IFT122: variants seen among roughly 807,000 people sequenced by gnomAD.
IFT122 encodes the protein intraflagellar transport 122, also known as intraflagellar transport protein 122 homolog.
Under a neutral mutation model 161.6 loss-of-function variants are expected in IFT122, and 118 were observed. The observed-to-expected ratio is 0.73, with a 90% CI of 0.63 to 0.85. The LOEUF is 0.85. IFT122 is among the 40% of genes least tolerant of loss of function. The pLI is 0.00. For synonymous variants in IFT122, 550 were observed against 602.4 expected (o/e 0.91, Z 1.27); for missense variants, 1,381 against 1,579.6 (o/e 0.87, Z 2.13).
intron 17 of IFT122, 80 bp from the exon 18 acceptor site, chr3:129,495,366 A>G: frequency 6.4e-7 from 1 of 1,570,756 alleles, no homozygotes; most frequent in South Asian, 1.2e-5. Context: ...CTCACTTGAA[A>G]TAGCCACATC....
chr3:129,448,357 C>A (rs1270655178), intron 1 of IFT122, among the ~76,000 whole-genome samples: 1 of 152,126 alleles, frequency 6.6e-6, no homozygotes, highest in African/African-American at 2.4e-5. Flanking sequence ...TATAGATAAG[C>A]TTGAGGAGGT....
intron 24 of IFT122, 31 bp downstream of exon 24, chr3:129,512,443 A>G (rs1164916358): frequency 6.9e-7 from 1 of 1,447,282 alleles, no homozygotes; most frequent in Admixed American, 1.7e-5. Flanking sequence ...CCTCCGTCCC[A>G]CCACCGTTCT....
chr3:129,492,763 T>TGGTGCTAA (rs2080286812), intron 17 of IFT122, among the ~76,000 whole-genome samples: 1 of 151,876 alleles, frequency 6.6e-6, no homozygotes, highest in African/African-American at 2.4e-5. Flanking sequence ...CTAAGGAAGC[T>TGGTGCTAA]GGTTGTAGGT....
intron 1 of IFT122, among the ~76,000 whole-genome samples, chr3:129,446,391 AT>A (rs1319338874): frequency 1.7e-5 from 2 of 114,976 alleles, no homozygotes; most frequent in African/African-American, 7.9e-5. Flanking sequence ...TGCTTGGCTA[AT>A]TTTTTGTAGA....
chr3:129,483,382 T>G, intron 14 of IFT122, 103 bp from the exon 15 acceptor site: 1 of 962,290 alleles, frequency 1.0e-6, no homozygotes, highest in Non-Finnish European at 1.7e-6. Context: ...CTGTAAGCAA[T>G]TTAGTGGGAT....
chr3:129,514,834 C>T, intron 25 of IFT122: 1 of 545,700 alleles, frequency 1.8e-6, no homozygotes, highest in South Asian at 2.0e-5. Flanking sequence ...GCAAGCCCCA[C>T]ACCTCTGTGC....
At chr3:129,515,004 C>G (rs953474552) in intron 25 of IFT122, 1 of 363,992 alleles carries the variant, frequency 2.7e-6, no homozygotes, top group African/African-American at 2.1e-5. Context: ...TTTCACACAT[C>G]CTCCCTCAAG....
intron 18 of IFT122, among the ~76,000 whole-genome samples, chr3:129,499,348 G>A (rs544237308): frequency 5.9e-5 from 9 of 152,342 alleles, no homozygotes; most frequent in Admixed American, 4.6e-4. Context: ...TGGAGGGCAC[G>A]GAGGGCCGGC....
intron 26 of IFT122, among the ~76,000 whole-genome samples, chr3:129,516,989 G>GCA (rs1202330874): frequency 1.9e-3 from 141 of 74,006 alleles, no homozygotes; most frequent in African/African-American, 6.4e-3. Flanking sequence ...GACTGCCCCT[G>GCA]CACACACACA....
At chr3:129,501,209 C>CA (rs1559976002) in intron 19 of IFT122, among the ~76,000 whole-genome samples, 2 of 152,142 alleles carry the variant, frequency 1.3e-5, no homozygotes, top group Non-Finnish European at 2.9e-5. Context: ...TGTGCACACA[C>CA]ACGTGCACAT....
At chr3:129,516,403 TAC>T (rs370107230) in intron 26 of IFT122, among the ~76,000 whole-genome samples, 221 of 16,970 alleles carry the variant, frequency 0.013, 1 homozygote, top group Non-Finnish European at 0.019. Context: ...TGCACACACA[TAC>T]AGAGACTGCC....
Position 129,483,572 on chromosome 3 carries a change from A to G in IFT122, c.1741A>G (p.Ser581Gly), listed in dbSNP as rs746693194. ...SGGGYLNIKA[S>G]TFPVHRQKLQ... ...AGGAGGCTACCTCAACATCAAAGCC[A>G]GCACCTTCCCTGTGCACCGGCAGAA... The change falls in exon 15 of 30, where the codon AGC (serine) becomes GGC (glycine). Residue 581 changes from serine (S) to glycine (G), a missense_variant. Physicochemically the swap from Ser to Gly is moderately conservative, Grantham distance 56 (BLOSUM62 0). Coordinates refer to ENST00000348417, the MANE Select transcript of IFT122 (RefSeq NM_052989.3). 10 of 1,614,140 alleles carry G rather than the reference A, an allele frequency of 6.2e-6. No homozygotes were observed. The highest frequency in any genetic ancestry group is 7.6e-6 in the Non-Finnish European group (9 of 1,180,030).
At chr3:129,507,532 A>G in intron 22 of IFT122, 136 bp from the exon 23 acceptor site, 1 of 769,446 alleles carries the variant, frequency 1.3e-6, no homozygotes, top group Non-Finnish European at 2.3e-6. Flanking sequence ...TTTGTCCCTC[A>G]CCCTGGCACA....
chr3:129,470,093 C>G (rs773100565), intron 9 of IFT122, among the ~76,000 whole-genome samples: 17 of 151,100 alleles, frequency 1.1e-4, no homozygotes, highest in Admixed American at 7.9e-4. Context: ...AATGGTGTTT[C>G]AGGCAGAAAA....
intron 15 of IFT122, among the ~76,000 whole-genome samples, chr3:129,486,355 T>C (rs2079281288): frequency 6.6e-6 from 1 of 152,240 alleles, no homozygotes; most frequent in Non-Finnish European, 1.5e-5. Flanking sequence ...CTCATTTCTT[T>C]TCTGTGAAAT....
chr3:129,471,671 C>T (rs958653978), intron 9 of IFT122, among the ~76,000 whole-genome samples: 2 of 152,182 alleles, frequency 1.3e-5, no homozygotes, highest in African/African-American at 2.4e-5. Flanking sequence ...AGATGGTAAC[C>T]CCAACTTGTT....
Position 129,502,768 on chromosome 3 carries a change from C to G in IFT122, c.2433C>G (p.Cys811Trp), listed in dbSNP as rs141626835. 2.5e-6 allele frequency: 4 copies of G among 1,612,434 alleles called. No individual in the cohort carries two copies. The highest frequency in any genetic ancestry group is 2.5e-6 in the Non-Finnish European group (3 of 1,180,020). The change falls in exon 20 of 30, where the codon TGC (cysteine) becomes TGG (tryptophan). Residue 811 changes from cysteine to tryptophan, a missense_variant. By Grantham distance (215) the Cys-to-Trp change is radical (BLOSUM62 -2). Around this residue, in one of 7 missense-constraint regions of IFT122, gnomAD observed 496 missense variants for 502.5 expected, o/e 0.99. Coordinates refer to ENST00000348417, the MANE Select transcript of IFT122 (RefSeq NM_052989.3). ...CTGAGCGCGAGCCCCTGCTGCTGTGCGCTACCTACCTCAAGAAGCTGGACA... is the reference window on the plus strand; with the variant it reads ...CTGAGCGCGAGCCCCTGCTGCTGTGGGCTACCTACCTCAAGAAGCTGGACA... ...DKAEREPLLLCATYLKKLDSP... is the reference protein window; with the variant it reads ...DKAEREPLLLWATYLKKLDSP...
chr3:129,476,855 G>C (rs2078004855), intron 11 of IFT122, 54 bp downstream of exon 11: 1 of 1,611,500 alleles, frequency 6.2e-7, no homozygotes, highest in South Asian at 1.1e-5. Flanking sequence ...CAGGTGGAAA[G>C]GGCTGGTGAC....
chr3:129,516,832 A>ACTGCCCCTGCACACACACACACACAGAGG (rs1560024892), intron 26 of IFT122, among the ~76,000 whole-genome samples: 2 of 131,210 alleles, frequency 1.5e-5, no homozygotes, highest in African/African-American at 6.0e-5. Flanking sequence ...ACACACAGAG[A>ACTGCCCCTGCACACACACACACACAGAGG]CTGCCCCTGC....
Sources: gnomAD v4.1 joint callset for allele counts (sites outside exome capture counted in the v4.1 genomes callset) on GRCh38, gnomAD v4.1.1 for gene constraint, gnomAD v4.1.1 regional missense constraint, MANE v1.5 for transcripts, NCBI Gene and HGNC (gene_info 2026-07-23, HGNC 2026-07-21) for gene names.